The following ADA variants were observed in gnomAD, a reference collection of about 807,000 sequenced individuals.
ADA encodes the protein adenosine aminohydrolase.
ADA carries 45 observed loss-of-function variants against 49.0 expected under a neutral mutation model. The observed-to-expected ratio is 0.92, with a 90% CI of 0.72 to 1.18. The LOEUF (loss-of-function observed/expected upper bound fraction) is 1.18. Ranked by LOEUF, ADA falls within the 50% of genes most tolerant of loss-of-function variation. The pLI is 0.00. For missense variants in ADA, 445 were observed against 472.5 expected (o/e 0.94, Z 0.54); for synonymous variants, 173 against 184.2 (o/e 0.94, Z 0.49).
intron 1 of ADA, among the ~76,000 whole-genome samples, chr20:44,647,229 G>T (rs1288618246): frequency 2.6e-5 from 4 of 152,016 alleles, no homozygotes; most frequent in African/African-American, 9.7e-5. Context: ...GAAGTCGGGA[G>T]TTCGAGACCA....
chr20:44,631,191 T>A lies in ADA; in HGVS notation c.96-2022A>T, dbSNP rs535624956. 2.2e-4 allele frequency among the ~76,000 whole-genome samples: 33 copies of A among 152,282 alleles called. No individual in the cohort carries two copies. The South Asian group carries it at 6.8e-3, about 32-fold the overall frequency. On this transcript the variant is annotated intron_variant, in intron 2 of 11. Transcript: ENST00000372874. ...CCCCCTGAATGTGCTCCCTTCCCCA[T>A]CTGTTAGCCCAAGTCCCCATGAGTG...
chr20:44,624,580 G>A (rs1409490598), intron 5 of ADA, among the ~76,000 whole-genome samples: 1 of 152,260 alleles, frequency 6.6e-6, no homozygotes, highest in East Asian at 1.9e-4. Flanking sequence ...AGGCTTTGCC[G>A]AGGCCATGTG....
At chr20:44,636,106 G>A in intron 2 of ADA, 121 bp downstream of exon 2, 1 of 958,136 alleles carries the variant, frequency 1.0e-6, no homozygotes, top group Non-Finnish European at 1.6e-6. Flanking sequence ...CCTGGAGCTG[G>A]CTTGATTCCC....
In ADA at chr20:44,621,046, C is replaced by G; in HGVS notation, c.947G>C (p.Gly316Ala). 6.2e-7 allele frequency: 1 copy of G among 1,614,108 alleles called. No homozygotes were observed. Among genetic ancestry groups the G allele is most frequent in the Admixed American group, 1.7e-5 (1 of 60,024 alleles). ...CCTTTTAAACTCCTCTTCAGTAAAG[C>G]CCATGTCCCGTTTGGTCATCTGGTA... ...TDYQMTKRDM[G>A]FTEEEFKRLN... The change falls in exon 10 of 12, where the codon GGC becomes GCC. Residue 316 changes from glycine (G) to alanine (A), a missense_variant. By Grantham distance (60) the Gly-to-Ala change is moderately conservative. Coordinates refer to ENST00000372874, the MANE Select transcript of ADA (RefSeq NM_000022.4).
chr20:44,639,580 T>C (rs759346132), intron 1 of ADA, among the ~76,000 whole-genome samples: 2 of 151,940 alleles, frequency 1.3e-5, no homozygotes, highest in African/African-American at 4.8e-5. Context: ...GCCCAGCTAA[T>C]TTTTGTATTT....
In ADA at chr20:44,622,910, T is replaced by C. The variant is rs1218317197; in HGVS notation, c.699A>G (p.Thr233=). The stretch of plus-strand genomic sequence containing the variant: ...TGTGGTAGCCGTGTCCCAGCCGCTC[T>C]GTCTTGAGTATGTCCACAGCCTGTA... The part of the protein sequence containing the change: ...VVKEAVDILK[T]ERLGHGYHTL... The change falls in exon 8 of 12, where the codon ACA becomes ACG. Residue 233 remains threonine (T), a synonymous_variant. Coordinates refer to ENST00000372874, the MANE Select transcript of ADA (RefSeq NM_000022.4). 2.5e-6 allele frequency: 4 copies of C among 1,614,146 alleles called. No individual in the cohort carries two copies. In the East Asian group the frequency reaches 8.9e-5, roughly 36 times the overall value.
intron 3 of ADA, 87 bp from the exon 4 acceptor site, chr20:44,626,686 G>T (rs2065385858): frequency 1.3e-6 from 2 of 1,546,666 alleles, no homozygotes; most frequent in Non-Finnish European, 1.8e-6. Context: ...ACCCTTGGCA[G>T]ATTAAACCCA....
chr20:44,636,763 A>G (rs1432284871), intron 1 of ADA, among the ~76,000 whole-genome samples: 1 of 152,192 alleles, frequency 6.6e-6, no homozygotes, highest in Non-Finnish European at 1.5e-5. Flanking sequence ...GTCCCAAACT[A>G]GGGAAGAGTC....
In ADA at chr20:44,626,446, C is replaced by G; in HGVS notation, c.362+10G>C. 4 of 1,613,648 alleles carry G rather than the reference C, an allele frequency of 2.5e-6. 1 individual carries two copies. The South Asian group carries it at 4.4e-5, about 18-fold the overall frequency. On this transcript the variant is annotated intron_variant, in intron 4 of 11. Coordinates refer to ENST00000372874, the MANE Select transcript of ADA (RefSeq NM_000022.4). ...CCCTCAGCATGGCCCCTTCCAGGCC[C>G]ATCACTCACTCAGCCTGGTTCCAGG...
At chr20:44,645,357 CAAAAAAA>C (rs11480982) in intron 1 of ADA, among the ~76,000 whole-genome samples, 2 of 58,454 alleles carry the variant, frequency 3.4e-5, no homozygotes, top group African/African-American at 1.2e-4. Flanking sequence ...GACTCCAGCT[CAAAAAAA>C]AAAAAAAAAA....
intron 2 of ADA, 77 bp downstream of exon 2, chr20:44,636,150 T>C: frequency 7.7e-7 from 1 of 1,301,916 alleles, no homozygotes; most frequent in South Asian, 1.3e-5. Flanking sequence ...GACCCTGGAA[T>C]TCCCCAGGGG....
At chr20:44,648,270 T>C (rs1248019929) in intron 1 of ADA, among the ~76,000 whole-genome samples, 2 of 151,962 alleles carry the variant, frequency 1.3e-5, no homozygotes, top group Admixed American at 6.5e-5. Flanking sequence ...GGTGGGGGTA[T>C]GGGAGGCACA....
chr20:44,629,996 T>TCC lies in ADA; in HGVS notation c.96-829_96-828dup, dbSNP rs60289623. ...CACAAGGTCACCTCGAGCCTCAGTTTCCCCCCCCTTTTTTTTTTAAGATAC... is the reference window on the plus strand; with the variant it reads ...CACAAGGTCACCTCGAGCCTCAGTTTCCCCCCCCCCTTTTTTTTTTAAGATAC... On this transcript the variant is annotated intron_variant, in intron 2 of 11. Transcript: ENST00000372874. Among the ~76,000 whole-genome samples the TCC allele has an allele frequency of 3.4e-3, 496 of 144,112 alleles. 8 individuals carry two copies. The highest frequency in any genetic ancestry group is 3.4e-3 in the Non-Finnish European group (222 of 65,828). The allele number at this position is 144,112 out of a possible 152,430, so 94.5% of individuals were successfully genotyped here.
At position 44,620,374 on chromosome 20, in the gene ADA, G is replaced by A; in HGVS notation, c.1003C>T (p.Leu335Phe). The A allele has an allele frequency of 6.2e-7, 1 of 1,614,242 alleles. No homozygotes were observed. Among genetic ancestry groups the A allele is most frequent in the Non-Finnish European group, 8.5e-7 (1 of 1,180,042 alleles). ...LNINAAKSSF[L>F]PEDEKRELLD... ...AGCTCCCTCTTTTCATCTTCTGGGA[G>A]GAAACTAGATTTGGCCGCATTGATG... The change falls in exon 11 of 12, where the codon CTC becomes TTC. Residue 335 changes from leucine (L) to phenylalanine (F), a missense_variant. Physicochemically the swap from Leu to Phe is conservative, Grantham distance 22. Coordinates refer to ENST00000372874, the MANE Select transcript of ADA (RefSeq NM_000022.4).
At chr20:44,621,259 G>T in intron 9 of ADA, 112 bp from the exon 10 acceptor site, 11 of 1,333,676 alleles carry the variant, frequency 8.2e-6, no homozygotes, top group African/African-American at 1.4e-5. Flanking sequence ...AAACAGATCT[G>T]AAAGATCTGA....
chr20:44,633,686 G>A (rs1249290644), intron 2 of ADA, among the ~76,000 whole-genome samples: 5 of 152,196 alleles, frequency 3.3e-5, no homozygotes, highest in Non-Finnish European at 7.3e-5. Context: ...GGCAGTGATC[G>A]GAGGAAAGAG....
chr20:44,636,296 G>A lies in ADA; in HGVS notation c.34-8C>T. ...GTGGACATGCAGTTCCACCTGCAAG[G>A]GGGCAGGGGGAAGAGAGAGAGAAAG... On this transcript the variant is annotated splice_polypyrimidine_tract_variant and splice_region_variant and intron_variant, in intron 1 of 11. Transcript: ENST00000372874. 1 of 1,597,860 alleles carries A rather than the reference G, an allele frequency of 6.3e-7. No individual in the cohort carries two copies. Among genetic ancestry groups the A allele is most frequent in the South Asian group, 1.1e-5 (1 of 88,908 alleles).
intron 2 of ADA, 129 bp downstream of exon 2, chr20:44,636,098 T>G: frequency 1.1e-6 from 1 of 895,242 alleles, no homozygotes; most frequent in Non-Finnish European, 1.8e-6. Flanking sequence ...ACTTCTGGCC[T>G]GGAGCTGGCT....
At chr20:44,645,421 C>A (rs2065581484) in intron 1 of ADA, among the ~76,000 whole-genome samples, 1 of 151,116 alleles carries the variant, frequency 6.6e-6, no homozygotes. Flanking sequence ...TCAAGGACAG[C>A]CATTGTTATG....
Sources: allele counts gnomAD v4.1 joint callset (sites outside exome capture counted in the v4.1 genomes callset), GRCh38; gene constraint gnomAD v4.1.1; transcripts MANE v1.5; gene names NCBI Gene and HGNC (gene_info 2026-07-23, HGNC 2026-07-21).